GALNT5: variants seen among roughly 807,000 people sequenced by gnomAD.
GALNT5 encodes the protein polypeptide N-acetylgalactosaminyltransferase 5, also known as UDP-GalNAc:polypeptide N-acetylgalactosaminyltransferase 5.
In GALNT5, 72 loss-of-function variants were observed where a neutral mutation model predicts 85.4. The ratio of observed to expected loss-of-function variants is 0.84; its 90% CI spans 0.70 to 1.03. The LOEUF is 1.03. Ranked by LOEUF, GALNT5 falls within the 50% of genes least tolerant of loss-of-function variation. The probability of loss-of-function intolerance (pLI) is 0.00; values close to 1 mark genes in which losing one functional copy is unlikely to be tolerated. For missense variants in GALNT5, 1,137 were observed against 1,135.5 expected (o/e 1.00, Z -0.02); for synonymous variants, 404 against 397.0 (o/e 1.02, Z -0.21).
intron 1 of GALNT5, among the ~76,000 whole-genome samples, chr2:157,279,107 G>A (rs1682800159): frequency 1.3e-5 from 2 of 152,134 alleles, no homozygotes; most frequent in Admixed American, 1.3e-4. Context: ...TTTGCTGGAG[G>A]TCCACTCCAG....
Position 157,300,807 on chromosome 2 carries a change from C to T in GALNT5, c.2247C>T (p.Ala749=), listed in dbSNP as rs146950735. ...KTVERNLVRV[A]EVWLDEYKEL... ...TGGAGCGGAACTTGGTGCGGGTTGCCGAGGTCTGGCTGGATGAGTATAAGG... is the reference window on the plus strand; with the variant it reads ...TGGAGCGGAACTTGGTGCGGGTTGCTGAGGTCTGGCTGGATGAGTATAAGG... The change falls in exon 7 of 10, where the codon GCC becomes GCT. Residue 749 remains alanine, a synonymous_variant. Coordinates refer to ENST00000259056, the MANE Select transcript of GALNT5 (RefSeq NM_014568.3). 1.9e-5 allele frequency: 30 copies of T among 1,613,916 alleles called. No homozygotes were observed. Among genetic ancestry groups the T allele is most frequent in the African/African-American group, 4.0e-5 (3 of 74,876 alleles).
intron 3 of GALNT5, among the ~76,000 whole-genome samples, chr2:157,290,749 T>G (rs1311143836): frequency 6.6e-6 from 1 of 152,010 alleles, no homozygotes. Flanking sequence ...GATCCAGAGA[T>G]CCAAAGACAT....
At chr2:157,261,975 A>T (rs1248470273) in intron 1 of GALNT5, among the ~76,000 whole-genome samples, 1 of 152,166 alleles carries the variant, frequency 6.6e-6, no homozygotes, top group East Asian at 1.9e-4. Context: ...AGAATAAGAA[A>T]ATGAGTACAT....
rs1053581785 is a variant in GALNT5, at chr2:157,312,397, C to G, written c.*1049C>G. The G allele has an allele frequency of 2.7e-5, 4 of 150,094 alleles. No individual in the cohort carries two copies. Among genetic ancestry groups the G allele is most frequent in the African/African-American group, 9.8e-5 (4 of 40,746 alleles). 9.3% of individuals were successfully genotyped at this position (150,094 alleles called of 1,614,324 possible). A position where few individuals can be genotyped will look rare whatever the true frequency, so the allele number is the denominator to read the frequency against. ...TGAAAGGGGAAAGGAATGAGGTAAA[C>G]AAGTCTTAGGAAGAGAGTTAAGAAA... On this transcript the variant is annotated 3_prime_UTR_variant, in exon 10 of 10. Transcript: ENST00000259056.
In GALNT5 at chr2:157,311,354, A is replaced by G; in HGVS notation, c.*6A>G. 1 of 1,580,988 alleles carries G rather than the reference A, an allele frequency of 6.3e-7. No individual in the cohort carries two copies. On this transcript the variant is annotated 3_prime_UTR_variant, in exon 10 of 10. Transcript: ENST00000259056. ...AAAAATATTATGAAGCCTGAAGTGTAACTGATGTTTTTATATAGTAAACCC... is the reference window on the plus strand; with the variant it reads ...AAAAATATTATGAAGCCTGAAGTGTGACTGATGTTTTTATATAGTAAACCC...
intron 1 of GALNT5, among the ~76,000 whole-genome samples, chr2:157,264,421 G>T (rs959362680): frequency 6.6e-6 from 1 of 152,158 alleles, no homozygotes; most frequent in African/African-American, 2.4e-5. Context: ...TGGCGTGCTT[G>T]TCTACCACTG....
intron 3 of GALNT5, among the ~76,000 whole-genome samples, chr2:157,287,031 G>T (rs1682992542): frequency 6.6e-6 from 1 of 151,760 alleles, no homozygotes; most frequent in Non-Finnish European, 1.5e-5. Flanking sequence ...TTTTTGGAGT[G>T]AAAATATTAT....
rs559919132 is a variant in GALNT5, at chr2:157,262,571, G to A, written c.1454+3035G>A. On this transcript the variant is annotated intron_variant, in intron 1 of 9. Transcript: ENST00000259056. The stretch of plus-strand genomic sequence containing the variant: ...GAGGATCACTTGAGCCTGAGCGGTC[G>A]AGGTTGCAGTGAACCAAGATTGTGC... Among the ~76,000 whole-genome samples the A allele has an allele frequency of 2.3e-4, 34 of 148,612 alleles. 2 individuals carry two copies. Among genetic ancestry groups the A allele is most frequent in the African/African-American group, 3.7e-4 (14 of 38,144 alleles).
intron 3 of GALNT5, among the ~76,000 whole-genome samples, chr2:157,293,736 C>T (rs1029506832): frequency 6.6e-6 from 1 of 152,068 alleles, no homozygotes; most frequent in Non-Finnish European, 1.5e-5. Context: ...GTAATTAATA[C>T]GATGCTAAAT....
intron 1 of GALNT5, among the ~76,000 whole-genome samples, chr2:157,262,876 T>TGAGC (rs1327596748): frequency 2.2e-5 from 3 of 138,258 alleles, no homozygotes; most frequent in African/African-American, 8.6e-5. Flanking sequence ...TCACCCAGGC[T>TGAGC]GAGCGCAGTG....
intron 3 of GALNT5, among the ~76,000 whole-genome samples, chr2:157,290,134 CATATATAT>C (rs1365323745): frequency 2.8e-5 from 4 of 141,820 alleles, no homozygotes; most frequent in Non-Finnish European, 6.0e-5. Context: ...CACATATATA[CATATATAT>C]GCATATGTAT....
At chr2:157,283,023 C>T (rs1682890478) in intron 1 of GALNT5, among the ~76,000 whole-genome samples, 1 of 152,182 alleles carries the variant, frequency 6.6e-6, no homozygotes, top group Non-Finnish European at 1.5e-5. Context: ...GGCAGAAGTG[C>T]CAGCTCTCAC....
At chr2:157,259,831 G>T (rs1200797171) in intron 1 of GALNT5, among the ~76,000 whole-genome samples, 1 of 152,192 alleles carries the variant, frequency 6.6e-6, no homozygotes, top group South Asian at 2.1e-4. Context: ...TCATAATAAC[G>T]TGTATATAAA....
At position 157,300,878 on chromosome 2, in the gene GALNT5, A is replaced by G. The variant is rs1320938971; in HGVS notation, c.2318A>G (p.Asp773Gly). ...HGDHLIDQGL[D>G]VGNLTQQREL... Reference sequence around the variant, plus strand: ...GACCACCTCATCGACCAAGGGCTAGATGTTGGCAACCTCACCCAGCAAAGG... The same window carrying G: ...GACCACCTCATCGACCAAGGGCTAGGTGTTGGCAACCTCACCCAGCAAAGG... The change falls in exon 7 of 10, where the codon GAT becomes GGT. Residue 773 changes from aspartate to glycine, a missense_variant. By Grantham distance (94) the Asp-to-Gly change is moderately conservative (BLOSUM62 -1). Coordinates refer to ENST00000259056, the MANE Select transcript of GALNT5 (RefSeq NM_014568.3). 2 of 1,614,014 alleles carry G rather than the reference A, an allele frequency of 1.2e-6. 1 individual carries two copies. The highest frequency in any genetic ancestry group is 3.3e-4 in the Middle Eastern group (2 of 6,062).
chr2:157,274,538 G>A (rs1372379196), intron 1 of GALNT5, among the ~76,000 whole-genome samples: 2 of 152,118 alleles, frequency 1.3e-5, no homozygotes, highest in Non-Finnish European at 2.9e-5. Context: ...GGTGTGAGAT[G>A]GTATCTCTTG....
In GALNT5 at chr2:157,311,373, T is replaced by C. The variant is rs747715446; in HGVS notation, c.*25T>C. 1 of 1,459,524 alleles carries C rather than the reference T, an allele frequency of 6.9e-7. No individual in the cohort carries two copies. The highest frequency in any genetic ancestry group is 1.2e-5 in the South Asian group (1 of 81,992). 90.4% of individuals were successfully genotyped at this position (1,459,524 alleles called of 1,614,324 possible). On this transcript the variant is annotated 3_prime_UTR_variant, in exon 10 of 10. Coordinates refer to ENST00000259056, the MANE Select transcript of GALNT5 (RefSeq NM_014568.3). Reference sequence around the variant, plus strand: ...AAGTGTAACTGATGTTTTTATATAGTAAACCCATTAAATACTGTGAAAATA... The same window carrying C: ...AAGTGTAACTGATGTTTTTATATAGCAAACCCATTAAATACTGTGAAAATA...
chr2:157,306,692 T>C (rs1215411160), intron 8 of GALNT5, among the ~76,000 whole-genome samples: 1 of 152,234 alleles, frequency 6.6e-6, no homozygotes, highest in Non-Finnish European at 1.5e-5. Context: ...TCTAGGCTTG[T>C]TAAGTCTTAC....
intron 1 of GALNT5, among the ~76,000 whole-genome samples, chr2:157,273,385 C>T (rs945862564): frequency 6.6e-6 from 1 of 151,828 alleles, no homozygotes. Context: ...ATTCTTTCTT[C>T]TTTTTTTCTA....
In GALNT5 at chr2:157,257,912, C is replaced by CGGT. The variant is rs970511279; in HGVS notation, c.-170_-168dup. The stretch of plus-strand genomic sequence containing the variant: ...TGCCACGCAGGCAGAGACTGACAAG[C>CGGT]GGTAGGAACTGAGCTTTCCCCTTGG... On this transcript the variant is annotated 5_prime_UTR_variant, in exon 1 of 10. Coordinates refer to ENST00000259056, the MANE Select transcript of GALNT5 (RefSeq NM_014568.3). The CGGT allele has an allele frequency of 8.5e-5, 56 of 659,944 alleles. No individual in the cohort carries two copies. The highest frequency in any genetic ancestry group is 7.8e-4 in the African/African-American group (44 of 56,190). The allele number at this position is 659,944 out of a possible 1,614,324, so 40.9% of individuals were successfully genotyped here. A position where few individuals can be genotyped will look rare whatever the true frequency, so the allele number is the denominator to read the frequency against.
Sources: gnomAD v4.1 joint callset for allele counts (sites outside exome capture counted in the v4.1 genomes callset) on GRCh38, gnomAD v4.1.1 for gene constraint, MANE v1.5 for transcripts, NCBI Gene and HGNC (gene_info 2026-07-23, HGNC 2026-07-21) for gene names.